The following USH2A variants were observed in gnomAD, a reference collection of about 807,000 sequenced individuals.
USH2A encodes the protein usherin, also known as Usher syndrome 2A (autosomal recessive, mild).
Under a neutral mutation model 538.9 loss-of-function variants are expected in USH2A, and 443 were observed. The observed-to-expected ratio is 0.82, with a 90% CI of 0.76 to 0.89. The LOEUF (loss-of-function observed/expected upper bound fraction) is 0.89, where lower values mean the gene tolerates loss of function less well. Ranked by LOEUF, USH2A falls within the 40% of genes least tolerant of loss-of-function variation. USH2A has a pLI of 0.00. For missense variants in USH2A, 6,633 were observed against 6,324.8 expected, an observed-to-expected ratio of 1.05 and a Z score of -1.65; for synonymous variants, 2,413 against 2,273.5, an observed-to-expected ratio of 1.06 and a Z score of -1.75.
At chr1:215,731,043 A>C (rs990417928) in intron 60 of USH2A, among the ~76,000 whole-genome samples, 1 of 152,156 alleles carries the variant, frequency 6.6e-6, no homozygotes. Flanking sequence ...AACATTTTCT[A>C]TTTTGTCTAG....
At chr1:216,393,778 A>G (rs1011401297) in intron 3 of USH2A, among the ~76,000 whole-genome samples, 1 of 152,180 alleles carries the variant, frequency 6.6e-6, no homozygotes. Flanking sequence ...GAATCAAAGC[A>G]AACAGATTAT....
chr1:216,224,567 A>G (rs2035524541), intron 14 of USH2A, among the ~76,000 whole-genome samples: 1 of 152,210 alleles, frequency 6.6e-6, no homozygotes, highest in South Asian at 2.1e-4. Flanking sequence ...AGATGGAAAC[A>G]GGCAAATGAT....
chr1:215,673,882 C>A (rs1657903160), intron 63 of USH2A, among the ~76,000 whole-genome samples: 1 of 152,116 alleles, frequency 6.6e-6, no homozygotes, highest in Admixed American at 6.5e-5. Flanking sequence ...CACTGACTCT[C>A]AAAACATCAC....
At chr1:215,885,755 T>G (rs969706535) in intron 41 of USH2A, among the ~76,000 whole-genome samples, 3 of 152,208 alleles carry the variant, frequency 2.0e-5, no homozygotes, top group African/African-American at 4.8e-5. Context: ...TTGTCTCTCT[T>G]GATTTCCCTA....
chr1:216,152,580 C>T (rs1380750897), intron 21 of USH2A, among the ~76,000 whole-genome samples: 1 of 152,308 alleles, frequency 6.6e-6, no homozygotes, highest in Admixed American at 6.5e-5. Flanking sequence ...CCTTATCTCC[C>T]TTCACTGACT....
intron 32 of USH2A, among the ~76,000 whole-genome samples, chr1:216,017,846 T>A (rs1218324297): frequency 1.3e-5 from 2 of 152,186 alleles, no homozygotes; most frequent in Non-Finnish European, 2.9e-5. Context: ...TCCTTAAATA[T>A]TATTTTAATA....
chr1:215,977,710 A>T (rs1268884964), intron 35 of USH2A, among the ~76,000 whole-genome samples: 1 of 152,012 alleles, frequency 6.6e-6, no homozygotes, highest in Non-Finnish European at 1.5e-5. Context: ...ACGGGATTTC[A>T]CTGTATTGGC....
At chr1:215,771,866 T>A (rs1661301866) in intron 55 of USH2A, among the ~76,000 whole-genome samples, 1 of 152,124 alleles carries the variant, frequency 6.6e-6, no homozygotes, top group Non-Finnish European at 1.5e-5. Flanking sequence ...GCCTACAGAT[T>A]AATTTAAGGG....
Position 216,315,197 on chromosome 1 carries a change from C to A in USH2A, c.1644+6686G>T, listed in dbSNP as rs78558646. Among the ~76,000 whole-genome samples the A allele has an allele frequency of 1.3e-3, 194 of 152,138 alleles. 1 individual carries two copies. Among genetic ancestry groups the A allele is most frequent in the African/African-American group, 4.3e-3 (177 of 41,490 alleles). On this transcript the variant is annotated intron_variant, in intron 9 of 71. Coordinates refer to ENST00000307340, the MANE Select transcript of USH2A (RefSeq NM_206933.4). ...TCCAATTCCTAGCTTGTATTATGTA[C>A]CTATGAGCTTAATATATACACTTTG...
chr1:216,201,384 C>T (rs1042940758), intron 16 of USH2A, among the ~76,000 whole-genome samples: 1 of 151,136 alleles, frequency 6.6e-6, no homozygotes, highest in Admixed American at 6.6e-5. Flanking sequence ...TCTCGGCTCA[C>T]TGCAACTTCT....
At chr1:215,799,167 A>T in intron 49 of USH2A, 42 bp from the exon 50 acceptor site, 1 of 1,564,218 alleles carries the variant, frequency 6.4e-7, no homozygotes, top group Non-Finnish European at 8.7e-7. Flanking sequence ...TCAGTTAAAA[A>T]AATATGCTAT....
intron 67 of USH2A, among the ~76,000 whole-genome samples, chr1:215,643,661 G>C (rs1656759517): frequency 6.6e-6 from 1 of 151,870 alleles, no homozygotes; most frequent in African/African-American, 2.4e-5. Context: ...GAGTAGCTGG[G>C]ACTACAGGCG....
intron 37 of USH2A, among the ~76,000 whole-genome samples, chr1:215,952,620 T>A (rs1666950208): frequency 6.6e-6 from 1 of 152,134 alleles, no homozygotes; most frequent in Non-Finnish European, 1.5e-5. Flanking sequence ...AAAGTATTTT[T>A]TTTCTCCTTC....
intron 26 of USH2A, among the ~76,000 whole-genome samples, chr1:216,083,090 C>A (rs908836641): frequency 1.3e-5 from 2 of 151,882 alleles, no homozygotes; most frequent in African/African-American, 2.4e-5. Context: ...TATTATTATA[C>A]TTGATTATCT....
At chr1:216,337,054 T>C (rs2037988372) in intron 4 of USH2A, among the ~76,000 whole-genome samples, 1 of 151,442 alleles carries the variant, frequency 6.6e-6, no homozygotes, top group African/African-American at 2.4e-5. Context: ...AAGTAAGAGC[T>C]ACCAGAAATA....
intron 32 of USH2A, among the ~76,000 whole-genome samples, chr1:216,025,446 G>A (rs538898384): frequency 6.6e-6 from 1 of 151,380 alleles, no homozygotes; most frequent in East Asian, 1.9e-4. Context: ...TGTGATTAAT[G>A]TTTGGTTAGT....
At chr1:216,282,765 C>T (rs1257137883) in intron 11 of USH2A, among the ~76,000 whole-genome samples, 2 of 152,074 alleles carry the variant, frequency 1.3e-5, no homozygotes, top group African/African-American at 2.4e-5. Flanking sequence ...GTAAGGTGGG[C>T]ATTTAACAAA....
At chr1:216,069,403 G>A in intron 30 of USH2A, among the ~76,000 whole-genome samples, 1 of 152,092 alleles carries the variant, frequency 6.6e-6, no homozygotes, top group East Asian at 1.9e-4. Context: ...TCACGTTATA[G>A]GATTTTTTGA....
In USH2A at chr1:216,325,309, T is replaced by C. The variant is rs111033395; in HGVS notation, c.1139A>G (p.Tyr380Cys). 2 of 1,613,588 alleles carry C rather than the reference T, an allele frequency of 1.2e-6. No homozygotes were observed. The highest frequency in any genetic ancestry group is 1.7e-5 in the Admixed American group (1 of 59,944). The change falls in exon 6 of 72, where the codon TAT becomes TGT. Residue 380 changes from tyrosine (Y) to cysteine (C), a missense_variant. Transcript: ENST00000307340. ...CACCTTATCGTTTCTCATTACCTGA[T>C]ACTGTCCATTTTCCAAATCAACTGA... ...TISVDLENGQYQVFYIIIQFF... is the reference protein window; with the variant it reads ...TISVDLENGQCQVFYIIIQFF...
Sources: gnomAD v4.1 joint callset for allele counts (sites outside exome capture counted in the v4.1 genomes callset) on GRCh38, gnomAD v4.1.1 for gene constraint, MANE v1.5 for transcripts, NCBI Gene and HGNC (gene_info 2026-07-23, HGNC 2026-07-21) for gene names.